The following TOMM20 variants were observed in gnomAD, a reference collection of about 807,000 sequenced individuals.
TOMM20 encodes mitochondrial import receptor subunit TOM20 homolog.
A neutral mutation model predicts 22.1 loss-of-function variants in TOMM20; 10 were observed. The observed-to-expected ratio is 0.45, with a 90% confidence interval of 0.28 to 0.77. The LOEUF (loss-of-function observed/expected upper bound fraction) is 0.77, where lower values mean the gene tolerates loss of function less well. TOMM20 is among the 30% of genes least tolerant of loss of function. The pLI, the probability that TOMM20 is intolerant of heterozygous loss-of-function variation, is 0.13. For synonymous variants in TOMM20, 55 were observed against 61.4 expected, an observed-to-expected ratio of 0.90 and a Z score of 0.49; for missense variants, 121 against 172.2, an observed-to-expected ratio of 0.70 and a Z score of 1.66.
intron 3 of TOMM20, among the ~76,000 whole-genome samples, chr1:235,118,252 G>C (rs180757757): frequency 3.3e-5 from 5 of 152,322 alleles, no homozygotes; most frequent in South Asian, 4.1e-4. Context: ...CCAGATCGTC[G>C]TAAGTGGTAT....
chr1:235,123,357 C>T (rs1382529434), intron 1 of TOMM20, among the ~76,000 whole-genome samples: 1 of 152,178 alleles, frequency 6.6e-6, no homozygotes, highest in African/African-American at 2.4e-5. Context: ...TGGTGGCGGG[C>T]GCCTGTAGTC....
intron 2 of TOMM20, among the ~76,000 whole-genome samples, chr1:235,120,706 TA>T (rs1056033612): frequency 1.3e-5 from 2 of 151,074 alleles, no homozygotes; most frequent in Non-Finnish European, 1.5e-5. Flanking sequence ...CCTCTCTCTA[TA>T]AAAAAAATAA....
chr1:235,118,069 A>G (rs1442926531), intron 3 of TOMM20, among the ~76,000 whole-genome samples: 4 of 152,228 alleles, frequency 2.6e-5, no homozygotes, highest in Non-Finnish European at 5.9e-5. Context: ...CCTGCTTCTG[A>G]ATACATACTA....
Position 235,128,576 on chromosome 1 carries a change from GGA to G in TOMM20, c.121+17_121+18del, listed in dbSNP as rs758226727. 6.2e-7 allele frequency: 1 copy of G among 1,611,912 alleles called. No individual in the cohort carries two copies. Among genetic ancestry groups the G allele is most frequent in the Non-Finnish European group, 8.5e-7 (1 of 1,179,804 alleles). ...GCCGAAGGCAGCAAGCCTGGCCAGG[GGA>G]GAGAGGACCCACTCACGTTCTCGAA... On this transcript the variant is annotated intron_variant, in intron 1 of 4. Transcript: ENST00000366607.
In TOMM20 at chr1:235,116,962, C is replaced by G. The variant is rs776212489; in HGVS notation, c.250+2856G>C. Among the ~76,000 whole-genome samples, 4 of 150,378 alleles carry G rather than the reference C, an allele frequency of 2.7e-5. No homozygotes were observed. In the East Asian group the frequency reaches 7.9e-4, roughly 30 times the overall value. On this transcript the variant is annotated intron_variant, in intron 3 of 4. Transcript: ENST00000366607. Reference sequence around the variant, plus strand: ...CATCCTGGCTAACATGGTGAAACCCCGTCTCTACTAAAAATACAAAAAACT... The same window carrying G: ...CATCCTGGCTAACATGGTGAAACCCGGTCTCTACTAAAAATACAAAAAACT...
At chr1:235,113,021 CCAGT>C (rs1660764731) in intron 4 of TOMM20, among the ~76,000 whole-genome samples, 1 of 151,938 alleles carries the variant, frequency 6.6e-6, no homozygotes, top group South Asian at 2.1e-4. Context: ...GAAAAATTAA[CCAGT>C]CAGTTACTAA....
At chr1:235,127,485 T>C (rs1661043415) in intron 1 of TOMM20, among the ~76,000 whole-genome samples, 1 of 152,212 alleles carries the variant, frequency 6.6e-6, no homozygotes, top group Non-Finnish European at 1.5e-5. Context: ...TTCTTAGTGC[T>C]AGTAAGATCA....
At position 235,114,908 on chromosome 1, in the gene TOMM20, C is replaced by T. The variant is rs10925731; in HGVS notation, c.251-998G>A. On this transcript the variant is annotated intron_variant, in intron 3 of 4. Coordinates refer to ENST00000366607, the MANE Select transcript of TOMM20 (RefSeq NM_014765.3). ...TTTTTGAGACACAATCTCCCTCTGC[C>T]ACCCAGGCTGGAGTACAATGGTACA... is the stretch of plus-strand genomic sequence containing the variant. Among the ~76,000 whole-genome samples, 1,075 of 152,198 alleles carry T rather than the reference C, an allele frequency of 7.1e-3. 15 individuals are homozygous for T. The highest frequency in any genetic ancestry group is 0.025 in the African/African-American group (1,024 of 41,510).
At chr1:235,115,347 C>T (rs752231745) in intron 3 of TOMM20, among the ~76,000 whole-genome samples, 1 of 151,936 alleles carries the variant, frequency 6.6e-6, no homozygotes, top group African/African-American at 2.4e-5. Flanking sequence ...AAAAATAATA[C>T]GGCCGGGAGC....
chr1:235,112,611 CTG>C (rs1167573546), intron 4 of TOMM20, among the ~76,000 whole-genome samples: 2 of 152,128 alleles, frequency 1.3e-5, no homozygotes, highest in Non-Finnish European at 2.9e-5. Context: ...GCATGAGACA[CTG>C]TGTACAGCCA....
rs1237634562 is a variant in TOMM20 at position 235,110,840 on chromosome 1, C to T, written c.*1224G>A. 5 of 152,280 alleles carry T rather than the reference C, an allele frequency of 3.3e-5. No individual in the cohort carries two copies. The highest frequency in any genetic ancestry group is 1.2e-4 in the African/African-American group (5 of 41,546). 9.4% of individuals were successfully genotyped at this position (152,280 alleles called of 1,614,324 possible). A position where few individuals can be genotyped will look rare whatever the true frequency, so the allele number is the denominator to read the frequency against. ...TGCTCCTCAGTTCAACAGATGCCACCAAGTACCAAGGATCCTTACTCAGTT... is the reference window on the plus strand; with the variant it reads ...TGCTCCTCAGTTCAACAGATGCCACTAAGTACCAAGGATCCTTACTCAGTT... On this transcript the variant is annotated 3_prime_UTR_variant, in exon 5 of 5. Transcript: ENST00000366607.
At chr1:235,122,255 C>T (rs1239715914) in intron 2 of TOMM20, 71 bp downstream of exon 2, 1 of 1,310,580 alleles carries the variant, frequency 7.6e-7, no homozygotes, top group Non-Finnish European at 1.0e-6. Flanking sequence ...ATTTTAATTA[C>T]ATTTCCAATT....
rs1315928567 is a variant in TOMM20 at position 235,109,865 on chromosome 1, A to G, written c.*2199T>C. On this transcript the variant is annotated 3_prime_UTR_variant, in exon 5 of 5. Transcript: ENST00000366607. The stretch of plus-strand genomic sequence containing the variant: ...TCAAGCTGTGTATTAGTTCACTGAG[A>G]TCTGGGGTTTTTTTGTTCTCACCTG... 6.6e-6 allele frequency: 1 copy of G among 152,198 alleles called. No homozygotes were observed. Among genetic ancestry groups the G allele is most frequent in the Non-Finnish European group, 1.5e-5 (1 of 68,030 alleles). The allele number at this position is 152,198 out of a possible 1,614,324, so 9.4% of individuals were successfully genotyped here.
chr1:235,124,003 G>A (rs920047296), intron 1 of TOMM20, among the ~76,000 whole-genome samples: 1 of 152,230 alleles, frequency 6.6e-6, no homozygotes, highest in Non-Finnish European at 1.5e-5. Context: ...TGCTACATGC[G>A]AGACACTGTT....
At chr1:235,116,824 C>A (rs1213399227) in intron 3 of TOMM20, among the ~76,000 whole-genome samples, 1 of 152,046 alleles carries the variant, frequency 6.6e-6, no homozygotes, top group Non-Finnish European at 1.5e-5. Flanking sequence ...TATAAATTCA[C>A]AGGAAATTGA....
rs879098351 is a variant in TOMM20 at position 235,128,586 on chromosome 1, C to G, written c.121+9G>C. 6.2e-7 allele frequency: 1 copy of G among 1,612,076 alleles called. No individual in the cohort carries two copies. The highest frequency in any genetic ancestry group is 1.1e-5 in the South Asian group (1 of 91,000). On this transcript the variant is annotated intron_variant, in intron 1 of 4. Coordinates refer to ENST00000366607, the MANE Select transcript of TOMM20 (RefSeq NM_014765.3). ...GCAAGCCTGGCCAGGGGAGAGAGGA[C>G]CCACTCACGTTCTCGAAGCCTGTTC...
rs1660749682 is a variant in TOMM20 at position 235,112,128 on chromosome 1, AT to A, written c.394-21del. 1 of 1,586,654 alleles carries A rather than the reference AT, an allele frequency of 6.3e-7. No individual in the cohort carries two copies. The highest frequency in any genetic ancestry group is 1.1e-5 in the South Asian group (1 of 87,032). On this transcript the variant is annotated intron_variant, in intron 4 of 4. Coordinates refer to ENST00000366607, the MANE Select transcript of TOMM20 (RefSeq NM_014765.3). ...AATTCTCTGAAAGAAAAAAAAAATA[AT>A]TTTTTAAAGTGTCATAAGCATTTAA...
At chr1:235,115,049 T>C (rs950385790) in intron 3 of TOMM20, among the ~76,000 whole-genome samples, 9 of 151,920 alleles carry the variant, frequency 5.9e-5, no homozygotes, top group Non-Finnish European at 1.0e-4. Flanking sequence ...TTGCTAATTT[T>C]TTTTTTTTGT....
intron 1 of TOMM20, chr1:235,128,038 G>T: frequency 3.0e-6 from 1 of 338,232 alleles, no homozygotes; most frequent in South Asian, 2.2e-5. Flanking sequence ...ACCGGGCGTG[G>T]TGACGCCCGA....
Sources: allele counts gnomAD v4.1 joint callset (sites outside exome capture counted in the v4.1 genomes callset), GRCh38; gene constraint gnomAD v4.1.1; transcripts MANE v1.5; gene names NCBI Gene and HGNC (gene_info 2026-07-23, HGNC 2026-07-21).